CLYBL: variants seen among roughly 807,000 people sequenced by gnomAD.
CLYBL encodes citramalyl-CoA lyase.
CLYBL carries 31 observed loss-of-function variants against 38.9 expected under a neutral mutation model. The ratio of observed to expected loss-of-function variants is 0.80; its 90% confidence interval spans 0.60 to 1.08. CLYBL has a LOEUF of 1.08. Among genes scored for constraint, CLYBL ranks in the 50% least tolerant of loss-of-function variants. The pLI is 0.00. For synonymous variants in CLYBL, 171 were observed against 158.6 expected, an observed-to-expected ratio of 1.08 and a Z score of -0.59; for missense variants, 434 against 411.6, an observed-to-expected ratio of 1.05 and a Z score of -0.47.
chr13:99,736,638 C>T (rs1362855414), intron 1 of CLYBL, among the ~76,000 whole-genome samples: 5 of 152,064 alleles, frequency 3.3e-5, no homozygotes, highest in African/African-American at 1.2e-4. Context: ...AATCTATGGT[C>T]CTGCCTGTTT....
intron 1 of CLYBL, among the ~76,000 whole-genome samples, chr13:99,607,869 G>T (rs9585144): frequency 1.5e-4 from 23 of 151,914 alleles, no homozygotes; most frequent in Non-Finnish European, 1.5e-4. Context: ...TCAGCCTCCT[G>T]AGTGGCTGGC....
chr13:99,635,247 C>T (rs1029418471), intron 1 of CLYBL, among the ~76,000 whole-genome samples: 8 of 151,978 alleles, frequency 5.3e-5, no homozygotes, highest in Non-Finnish European at 1.0e-4. Flanking sequence ...GTCAATTGAC[C>T]CAAATCCTTC....
At chr13:99,888,733 A>G (rs2152130182) in intron 7 of CLYBL, among the ~76,000 whole-genome samples, 1 of 152,350 alleles carries the variant, frequency 6.6e-6, no homozygotes, top group East Asian at 1.9e-4. Context: ...TGAGCAACAG[A>G]GCGAGACTCA....
chr13:99,833,007 C>CATATATATATATAT (rs1555314795), intron 2 of CLYBL, among the ~76,000 whole-genome samples: 11 of 51,578 alleles, frequency 2.1e-4, no homozygotes, highest in African/African-American at 7.7e-4. Flanking sequence ...TACATACATA[C>CATATATATATATAT]ATATATATAT....
exon 9 of CLYBL, among the ~76,000 whole-genome samples, chr13:99,905,329 C>T (rs913459447): frequency 1.3e-5 from 2 of 152,222 alleles, no homozygotes; most frequent in Admixed American, 1.3e-4. Flanking sequence ...AAAGTTCATA[C>T]ATGGCGACCT....
rs140503030 is a variant in CLYBL at position 99,864,844 on chromosome 13, C to T, written c.567C>T (p.Val189=). The T allele has an allele frequency of 3.7e-6, 6 of 1,613,680 alleles. No individual in the cohort carries two copies. The African/African-American group carries it at 4.0e-5, about 11-fold the overall frequency. ...FKAVCEETLK[V]GPQVGLFLDA... ...CAGTGTGTGAAGAAACCCTGAAGGT[C>T]GGGCCTCAAGTAGGTCTCTTTCTAG... Residue 189 remains valine (V), a synonymous_variant, in exon 5 of 9, where the codon GTC becomes GTT. Coordinates refer to ENST00000339105, the MANE Select transcript of CLYBL (RefSeq NM_206808.5).
chr13:99,782,453 C>A (rs373799874), intron 2 of CLYBL, among the ~76,000 whole-genome samples: 4 of 152,128 alleles, frequency 2.6e-5, no homozygotes, highest in African/African-American at 9.6e-5. Flanking sequence ...TGCTGCGAGC[C>A]AAGATCATAC....
intron 1 of CLYBL, among the ~76,000 whole-genome samples, chr13:99,616,810 G>T (rs1178226631): frequency 1.3e-5 from 2 of 152,034 alleles, no homozygotes; most frequent in African/African-American, 4.8e-5. Flanking sequence ...ACAAAAATTA[G>T]CCTGGTGTGG....
chr13:99,806,193 C>T (rs1054284974), intron 2 of CLYBL, among the ~76,000 whole-genome samples: 1 of 152,120 alleles, frequency 6.6e-6, no homozygotes, highest in African/African-American at 2.4e-5. Context: ...TTTTGTTATA[C>T]ACTGCTGAAG....
At chr13:99,833,022 ATATATATATTTTTTTTTTT>A (rs2050846692) in intron 2 of CLYBL, among the ~76,000 whole-genome samples, 15 of 37,458 alleles carry the variant, frequency 4.0e-4, no homozygotes, top group Admixed American at 2.4e-3. Flanking sequence ...ATATATATAT[ATATATATATTTTTTTTTTT>A]TTTTTTTTTT....
chr13:99,662,160 C>T lies in CLYBL; in HGVS notation c.62+55403C>T, dbSNP rs139267771. The stretch of plus-strand genomic sequence containing the variant: ...CTTTAAAGAGGTTTACTTTGGTTGT[C>T]GTTTACTTTGTGATGCTTTTAGTAA... On this transcript the variant is annotated intron_variant, in intron 1 of 8. Coordinates refer to ENST00000339105, the MANE Select transcript of CLYBL (RefSeq NM_206808.5). 5.1e-4 allele frequency among the ~76,000 whole-genome samples: 78 copies of T among 152,224 alleles called. No individual in the cohort carries two copies. In the Middle Eastern group the frequency reaches 0.01, roughly 20 times the overall value.
chr13:99,849,151 A>AT lies in CLYBL; in HGVS notation c.250-9710_250-9709insT, dbSNP rs2051274785. On this transcript the variant is annotated intron_variant, in intron 2 of 8. Coordinates refer to ENST00000339105, the MANE Select transcript of CLYBL (RefSeq NM_206808.5). This position sits in a 1 kb window ranked among gnomAD's most constrained non-coding sequence, Gnocchi z 4.9. ...AGACTCCATCTCAAAAAAAGAAAAA[A>AT]GAAAAAAAAAACACTATTGAGAAAG... 2.7e-5 allele frequency among the ~76,000 whole-genome samples: 2 copies of AT among 74,542 alleles called. No homozygotes were observed. The highest frequency in any genetic ancestry group is 1.6e-4 in the African/African-American group (2 of 12,498). The allele number at this position is 74,542 out of a possible 152,430, so 48.9% of individuals were successfully genotyped here.
intron 1 of CLYBL, among the ~76,000 whole-genome samples, chr13:99,641,971 C>G (rs1260042914): frequency 1.3e-5 from 2 of 152,162 alleles, no homozygotes; most frequent in East Asian, 3.9e-4. Context: ...GTTCTGCAGT[C>G]TCTTGAATGG....
intron 1 of CLYBL, among the ~76,000 whole-genome samples, chr13:99,672,202 C>CTTTTTT (rs75680397): frequency 7.6e-6 from 1 of 131,252 alleles, no homozygotes; most frequent in Non-Finnish European, 1.7e-5. Flanking sequence ...TTTTTTTTTT[C>CTTTTTT]TTTTTTTTTT....
chr13:99,891,653 T>A (rs2052493079), intron 8 of CLYBL: 1 of 409,712 alleles, frequency 2.4e-6, no homozygotes, highest in Non-Finnish European at 4.4e-6. Context: ...GTATTACGAA[T>A]ATGGGCTTAT....
At chr13:99,706,968 G>A (rs1289540497) in intron 1 of CLYBL, among the ~76,000 whole-genome samples, 2 of 151,870 alleles carry the variant, frequency 1.3e-5, no homozygotes, top group Admixed American at 6.6e-5. Context: ...CAAGCCCAGC[G>A]AATTTTTGTA....
Position 99,823,092 on chromosome 13 carries a change from GTTTAC to G in CLYBL, c.250-35762_250-35758del, listed in dbSNP as rs144715886. The stretch of plus-strand genomic sequence containing the variant: ...AGCCATGTTTGATTTGTATACTTAT[GTTTAC>G]TTTACTGTTTTTCCTGAAGTTAATA... On this transcript the variant is annotated intron_variant, in intron 2 of 8. Transcript: ENST00000339105. Among the ~76,000 whole-genome samples, 682 of 152,164 alleles carry G rather than the reference GTTTAC, an allele frequency of 4.5e-3. 5 individuals carry two copies. The highest frequency in any genetic ancestry group is 0.016 in the African/African-American group (650 of 41,522).
chr13:99,693,857 C>T lies in CLYBL; in HGVS notation c.63-78967C>T, dbSNP rs76232746. On this transcript the variant is annotated intron_variant, in intron 1 of 8. Transcript: ENST00000339105. ...CTGATTTCTTCTGCTACCTTTCACTCGGAGCCTGTGATTTCTAACATGTAT... is the reference window on the plus strand; with the variant it reads ...CTGATTTCTTCTGCTACCTTTCACTTGGAGCCTGTGATTTCTAACATGTAT... 5.8e-3 allele frequency among the ~76,000 whole-genome samples: 877 copies of T among 152,234 alleles called. 6 individuals carry two copies. Among genetic ancestry groups the T allele is most frequent in the African/African-American group, 0.02 (817 of 41,528 alleles).
chr13:99,624,837 C>G (rs2046846573), intron 1 of CLYBL, among the ~76,000 whole-genome samples: 1 of 152,186 alleles, frequency 6.6e-6, no homozygotes, highest in Non-Finnish European at 1.5e-5. Context: ...CATCGGGAAG[C>G]TGTATTTTAA....
Sources: allele counts gnomAD v4.1 joint callset (sites outside exome capture counted in the v4.1 genomes callset), GRCh38; gene constraint gnomAD v4.1.1; non-coding constraint Gnocchi (gnomAD v3.1); transcripts MANE v1.5; gene names NCBI Gene and HGNC (gene_info 2026-07-23, HGNC 2026-07-21).